CTNNA3: variants seen among roughly 807,000 people sequenced by gnomAD.
CTNNA3 encodes the protein catenin alpha-3.
In CTNNA3, 76 loss-of-function variants were observed where a neutral mutation model predicts 95.7. The ratio of observed to expected loss-of-function variants is 0.79; its 90% CI spans 0.66 to 0.96. The LOEUF is 0.96. CTNNA3 is among the 40% of genes least tolerant of loss of function. The probability of loss-of-function intolerance (pLI) is 0.00; values close to 1 mark genes in which losing one functional copy is unlikely to be tolerated. For missense variants in CTNNA3, 1,191 were observed against 1,089.8 expected (o/e 1.09, Z -1.31); for synonymous variants, 431 against 374.4 (o/e 1.15, Z -1.74).
At chr10:66,747,460 C>A (rs1838931697) in intron 9 of CTNNA3, among the ~76,000 whole-genome samples, 1 of 152,208 alleles carries the variant, frequency 6.6e-6, no homozygotes, top group Non-Finnish European at 1.5e-5. Context: ...ACTCTCACTG[C>A]ATCACTACAA....
At chr10:66,609,614 A>T (rs1474839256) in intron 10 of CTNNA3, among the ~76,000 whole-genome samples, 1 of 152,018 alleles carries the variant, frequency 6.6e-6, no homozygotes, top group Non-Finnish European at 1.5e-5. Context: ...GATGCTAGCA[A>T]GGTTGCAGAG....
chr10:67,747,244 C>T (rs1014012990), intron 1 of CTNNA3, among the ~76,000 whole-genome samples: 13 of 123,632 alleles, frequency 1.1e-4, no homozygotes, highest in Non-Finnish European at 1.8e-4. Context: ...AGTGGGTTTC[C>T]CCCCAGTGCA....
chr10:66,611,728 A>G (rs1003733447), intron 10 of CTNNA3, among the ~76,000 whole-genome samples: 3 of 152,078 alleles, frequency 2.0e-5, no homozygotes, highest in African/African-American at 7.2e-5. Context: ...CTGTGCTGAA[A>G]TGCTCCCATT....
At chr10:66,428,824 T>A (rs551864684) in intron 11 of CTNNA3, among the ~76,000 whole-genome samples, 9 of 151,728 alleles carry the variant, frequency 5.9e-5, no homozygotes, top group African/African-American at 2.2e-4. Flanking sequence ...ATTGACACCC[T>A]AACATCACAA....
chr10:66,344,214 G>A (rs1320037409), intron 12 of CTNNA3, among the ~76,000 whole-genome samples: 3 of 92,622 alleles, frequency 3.2e-5, no homozygotes, highest in African/African-American at 7.2e-5. Context: ...GGGACAGGGC[G>A]AGACTCCATC....
chr10:67,059,038 C>T (rs1855605502), intron 7 of CTNNA3, among the ~76,000 whole-genome samples: 1 of 152,156 alleles, frequency 6.6e-6, no homozygotes, highest in South Asian at 2.1e-4. Context: ...CTAAGAAGGA[C>T]ATTTCTCACA....
chr10:66,929,095 A>G (rs984151180), intron 7 of CTNNA3, among the ~76,000 whole-genome samples: 2 of 152,236 alleles, frequency 1.3e-5, no homozygotes, highest in Non-Finnish European at 2.9e-5. Flanking sequence ...GGGTTAAAAT[A>G]CTGCAAGCAG....
intron 15 of CTNNA3, among the ~76,000 whole-genome samples, chr10:66,038,307 CAACA>C (rs2079609184): frequency 1.3e-5 from 2 of 152,152 alleles, no homozygotes; most frequent in African/African-American, 4.8e-5. Flanking sequence ...AGTAACTGAA[CAACA>C]TGCATTCCAG....
intron 3 of CTNNA3, among the ~76,000 whole-genome samples, chr10:67,566,061 A>ATATATATATATATATATATATATATG (rs1184891307): frequency 1.4e-4 from 13 of 94,238 alleles, no homozygotes; most frequent in African/African-American, 5.2e-4. Flanking sequence ...ATATATATAT[A>ATATATATATATATATATATATATATG]TATATATATA....
rs1371138418 is a variant in CTNNA3 at position 66,593,584 on chromosome 10, C to A, written c.1374+28108G>T. On this transcript the variant is annotated intron_variant, in intron 10 of 17. Transcript: ENST00000433211. ...CTTTGAATATCACTACTTTAAGTGT[C>A]CCTTAAGCCACCTTATTTAGAAATT... Among the ~76,000 whole-genome samples the A allele has an allele frequency of 2.6e-5, 4 of 152,242 alleles. No homozygotes were observed. The East Asian group carries it at 7.7e-4, about 29-fold the overall frequency.
intron 5 of CTNNA3, among the ~76,000 whole-genome samples, chr10:67,356,009 GAGAA>G (rs1438802544): frequency 6.6e-6 from 1 of 151,924 alleles, no homozygotes; most frequent in East Asian, 1.9e-4. Flanking sequence ...AGACCATCAA[GAGAA>G]ATTCCATCAA....
intron 11 of CTNNA3, among the ~76,000 whole-genome samples, chr10:66,518,438 G>A (rs149143575): frequency 3.9e-5 from 6 of 152,142 alleles, no homozygotes; most frequent in African/African-American, 9.6e-5. Context: ...CAAAAGAACC[G>A]AGAAACAGAA....
chr10:66,245,523 G>A (rs1245864384), intron 13 of CTNNA3, among the ~76,000 whole-genome samples: 1 of 152,220 alleles, frequency 6.6e-6, no homozygotes, highest in Admixed American at 6.5e-5. Context: ...CAAGTGGAGG[G>A]TAAGCAAGAT....
At chr10:67,477,285 TA>T in intron 5 of CTNNA3, among the ~76,000 whole-genome samples, 1 of 152,032 alleles carries the variant, frequency 6.6e-6, no homozygotes, top group Admixed American at 6.5e-5. Flanking sequence ...CAGATGTTTG[TA>T]CCTGCCATCA....
chr10:65,966,762 A>G lies in CTNNA3; in HGVS notation c.2266-16T>C. On this transcript the variant is annotated splice_polypyrimidine_tract_variant and intron_variant, in intron 16 of 17. Transcript: ENST00000433211. ...GATCTGGGCACTAAATATGAATCAA[A>G]GATAAAAATAGATACAGCAGAATAA... The G allele has an allele frequency of 6.3e-7, 1 of 1,579,220 alleles. No homozygotes were observed. Among genetic ancestry groups the G allele is most frequent in the Non-Finnish European group, 8.7e-7 (1 of 1,152,006 alleles).
At chr10:66,211,718 G>A (rs1176873313) in intron 13 of CTNNA3, among the ~76,000 whole-genome samples, 1 of 152,192 alleles carries the variant, frequency 6.6e-6, no homozygotes. Flanking sequence ...AACATGCCCG[G>A]ATAAGAGTTC....
At chr10:66,265,521 T>C (rs919697437) in intron 13 of CTNNA3, among the ~76,000 whole-genome samples, 19 of 152,140 alleles carry the variant, frequency 1.2e-4, no homozygotes, top group Non-Finnish European at 2.8e-4. Context: ...AAATAACTTA[T>C]TGTCTGTCTT....
At chr10:66,223,891 T>C (rs1378517461) in intron 13 of CTNNA3, among the ~76,000 whole-genome samples, 2 of 152,102 alleles carry the variant, frequency 1.3e-5, no homozygotes, top group African/African-American at 2.4e-5. Flanking sequence ...TTTAATGGTC[T>C]GAGTTGAACA....
rs114700543 is a variant in CTNNA3, at chr10:66,270,661, A to G, written c.1884+9809T>C. On this transcript the variant is annotated intron_variant, in intron 13 of 17. Coordinates refer to ENST00000433211, the MANE Select transcript of CTNNA3 (RefSeq NM_013266.4). ...CATAAAATTGAGCAAGAAGATGAAG[A>G]GTAGCTGCGGTGGGAGATGCTATTT... Among the ~76,000 whole-genome samples, 1,272 of 152,346 alleles carry G rather than the reference A, an allele frequency of 8.3e-3. 19 individuals carry two copies. Among genetic ancestry groups the G allele is most frequent in the African/African-American group, 0.029 (1,204 of 41,582 alleles).
Sources: allele counts gnomAD v4.1 joint callset (sites outside exome capture counted in the v4.1 genomes callset), GRCh38; gene constraint gnomAD v4.1.1; transcripts MANE v1.5; gene names NCBI Gene and HGNC (gene_info 2026-07-23, HGNC 2026-07-21).